Variants in TUT4 observed in about 807,000 individuals in gnomAD.
TUT4 encodes the protein terminal uridylyltransferase 4.
A neutral mutation model predicts 192.2 loss-of-function variants in TUT4; 36 were observed. That is an observed-to-expected ratio of 0.19 (90% CI 0.14 to 0.25). The LOEUF is 0.25. Ranked by LOEUF, TUT4 falls within the 10% of genes least tolerant of loss-of-function variation. The pLI is 1.00. For synonymous variants in TUT4, 618 were observed against 666.0 expected, an observed-to-expected ratio of 0.93 and a Z score of 1.11; for missense variants, 1,493 against 1,957.2, an observed-to-expected ratio of 0.76 and a Z score of 4.47.
intron 24 of TUT4, among the ~76,000 whole-genome samples, chr1:52,440,027 T>C (rs1273946558): frequency 6.6e-6 from 1 of 152,206 alleles, no homozygotes; most frequent in Admixed American, 6.5e-5. Flanking sequence ...TTCAAAATGT[T>C]ACATATCATA....
intron 1 of TUT4, among the ~76,000 whole-genome samples, chr1:52,527,543 C>T (rs1336221740): frequency 1.3e-5 from 2 of 151,974 alleles, no homozygotes; most frequent in Non-Finnish European, 2.9e-5. Flanking sequence ...CAGAGTAAGA[C>T]TCTGTCTCAA....
Position 52,446,082 on chromosome 1 carries a change from TC to T in TUT4, c.3692-79del, listed in dbSNP as rs1307597267. 8 of 1,416,624 alleles carry T rather than the reference TC, an allele frequency of 5.6e-6. No individual in the cohort carries two copies. In the African/African-American group the frequency reaches 1.2e-4, roughly 20 times the overall value. The allele number at this position is 1,416,624 out of a possible 1,614,324, so 87.8% of individuals were successfully genotyped here. ...ATATACTTAGAAGTCACCGCTGAAG[TC>T]TAATACTTATATGTACTCAGACTAT... On this transcript the variant is annotated intron_variant, in intron 22 of 29. Coordinates refer to ENST00000257177, the MANE Select transcript of TUT4 (RefSeq NM_001009881.3).
intron 15 of TUT4, among the ~76,000 whole-genome samples, 158 bp downstream of exon 15, chr1:52,468,023 T>A (rs557593956): frequency 6.6e-6 from 1 of 152,292 alleles, no homozygotes; most frequent in South Asian, 2.1e-4. Context: ...ATTTGAAACA[T>A]AAGCTTCATG....
In TUT4 at chr1:52,447,205, T is replaced by G. The variant is rs780055229; in HGVS notation, c.3436-538A>C. Among the ~76,000 whole-genome samples the G allele has an allele frequency of 3.6e-4, 55 of 151,990 alleles. 1 individual carries two copies. Among genetic ancestry groups the G allele is most frequent in the Admixed American group, 1.3e-4 (2 of 15,262 alleles). ...TGGTTCACGCCTGTAATCCCAGCAC[T>G]TTGGGAGGCCGAGAATGGTGGATCA... On this transcript the variant is annotated intron_variant, in intron 20 of 29. Transcript: ENST00000257177.
At chr1:52,550,363 G>A (rs1055776305) in intron 1 of TUT4, among the ~76,000 whole-genome samples, 2 of 152,022 alleles carry the variant, frequency 1.3e-5, no homozygotes, top group African/African-American at 4.8e-5. Context: ...TCCTACTGCA[G>A]TGGCTTTAAC....
chr1:52,479,986 C>G (rs1668077153), intron 11 of TUT4, among the ~76,000 whole-genome samples: 1 of 139,862 alleles, frequency 7.1e-6, no homozygotes, highest in Non-Finnish European at 1.5e-5. Flanking sequence ...CAGAGCGAGA[C>G]TCCGTCTCAG....
At chr1:52,454,519 T>C (rs565209143) in intron 20 of TUT4, among the ~76,000 whole-genome samples, 9 of 152,106 alleles carry the variant, frequency 5.9e-5, no homozygotes, top group Non-Finnish European at 1.2e-4. Context: ...CAAATGAACA[T>C]CCACACGCAA....
rs1557852332 is a variant in TUT4 at position 52,497,151 on chromosome 1, C to T, written c.1032G>A (p.Leu344=). 2 of 1,610,384 alleles carry T rather than the reference C, an allele frequency of 1.2e-6. No homozygotes were observed. Among genetic ancestry groups the T allele is most frequent in the East Asian group, 4.5e-5 (2 of 44,792 alleles). The part of the protein sequence containing the change: ...EKQEESELRS[L]PPPSPAHLAA... The stretch of plus-strand genomic sequence containing the variant: ...CCAAGTGGGCAGGGGAAGGAGGTGG[C>T]AGAGAACGAAGCTCACTTTCTTCTT... The change falls in exon 5 of 30, where the codon CTG becomes CTA. Residue 344 remains leucine, a synonymous_variant. Transcript: ENST00000257177.
intron 11 of TUT4, among the ~76,000 whole-genome samples, chr1:52,479,236 C>T (rs1271583066): frequency 6.6e-6 from 1 of 152,102 alleles, no homozygotes; most frequent in Admixed American, 6.6e-5. Context: ...CCAGGAAGGG[C>T]TGTTTGGCTT....
chr1:52,479,402 T>C (rs1188342201), intron 11 of TUT4, among the ~76,000 whole-genome samples: 2 of 152,084 alleles, frequency 1.3e-5, no homozygotes, highest in South Asian at 2.1e-4. Context: ...GAGGCTATAG[T>C]AGTATCCCAG....
rs1454219715 is a variant in TUT4 at position 52,474,826 on chromosome 1, T to C, written c.2727+6A>G. 1.1e-5 allele frequency: 17 copies of C among 1,582,716 alleles called. No homozygotes were observed. The highest frequency in any genetic ancestry group is 3.5e-5 in the Admixed American group (2 of 57,172). On this transcript the variant is annotated splice_donor_region_variant and intron_variant, in intron 13 of 29. Transcript: ENST00000257177. The stretch of plus-strand genomic sequence containing the variant: ...TCTTACAGATCATTTACAAACTGTA[T>C]CCTACCTTGCCAGAGGTTAAAATAA...
chr1:52,510,652 T>G (rs1480502938), intron 3 of TUT4, among the ~76,000 whole-genome samples: 1 of 152,226 alleles, frequency 6.6e-6, no homozygotes, highest in Admixed American at 6.5e-5. Flanking sequence ...AAAATACTAA[T>G]AAAACTTAGT....
chr1:52,425,237 A>C, intron 29 of TUT4, 112 bp downstream of exon 29: 2 of 1,319,986 alleles, frequency 1.5e-6, no homozygotes, highest in Non-Finnish European at 2.1e-6. Flanking sequence ...TTTCTCAGTA[A>C]ATGTTTACTG....
chr1:52,467,381 A>G (rs1206152457), intron 15 of TUT4, among the ~76,000 whole-genome samples: 1 of 152,182 alleles, frequency 6.6e-6, no homozygotes, highest in Non-Finnish European at 1.5e-5. Context: ...AGGACCACCT[A>G]CTGTAACTGT....
intron 1 of TUT4, among the ~76,000 whole-genome samples, chr1:52,542,982 T>C (rs1008041143): frequency 6.6e-6 from 1 of 152,174 alleles, no homozygotes; most frequent in Non-Finnish European, 1.5e-5. Context: ...CTCGAACTCC[T>C]GACCTCAGGT....
At position 52,458,494 on chromosome 1, in the gene TUT4, C is replaced by T. The variant is rs569268920; in HGVS notation, c.3322-45G>A. The T allele has an allele frequency of 2.8e-6, 4 of 1,420,722 alleles. No individual in the cohort carries two copies. In the South Asian group the frequency reaches 4.8e-5, roughly 17 times the overall value. The allele number at this position is 1,420,722 out of a possible 1,614,324, so 88.0% of individuals were successfully genotyped here. A position where few individuals can be genotyped will look rare whatever the true frequency, so the allele number is the denominator to read the frequency against. On this transcript the variant is annotated intron_variant, in intron 19 of 29. Transcript: ENST00000257177. ...AAAACAAAACTTCAGAGTCTTACTC[C>T]ATGCAGAAGTATATTAAACATTCTG...
intron 9 of TUT4, among the ~76,000 whole-genome samples, chr1:52,488,637 T>C (rs1372475718): frequency 6.6e-6 from 1 of 152,214 alleles, no homozygotes; most frequent in African/African-American, 2.4e-5. Flanking sequence ...TATGCTGATA[T>C]GAAAGAGAAC....
At chr1:52,470,570 A>C (rs1291339897) in intron 14 of TUT4, among the ~76,000 whole-genome samples, 2 of 152,332 alleles carry the variant, frequency 1.3e-5, no homozygotes, top group East Asian at 3.9e-4. Context: ...ACTCAGATAC[A>C]AGAAGAAATT....
chr1:52,542,757 A>AT (rs1553236442), intron 1 of TUT4, among the ~76,000 whole-genome samples: 1 of 147,550 alleles, frequency 6.8e-6, no homozygotes, highest in African/African-American at 2.5e-5. Flanking sequence ...CTTTTTATTT[A>AT]TTTATTTATT....
Sources: gnomAD v4.1 joint callset for allele counts (sites outside exome capture counted in the v4.1 genomes callset) on GRCh38, gnomAD v4.1.1 for gene constraint, MANE v1.5 for transcripts, NCBI Gene and HGNC (gene_info 2026-07-23, HGNC 2026-07-21) for gene names.